The following LEPR variants were observed in gnomAD, a reference collection of about 807,000 sequenced individuals.
LEPR encodes OB receptor.
Under a neutral mutation model 114.7 loss-of-function variants are expected in LEPR, and 56 were observed. The ratio of observed to expected loss-of-function variants is 0.49; its 90% CI spans 0.39 to 0.61. The LOEUF is 0.61. LEPR is among the 20% of genes least tolerant of loss of function. The probability of loss-of-function intolerance (pLI) is 0.00; values close to 1 mark genes in which losing one functional copy is unlikely to be tolerated. For missense variants in LEPR, 1,202 were observed against 1,352.9 expected (o/e 0.89, Z 1.75); for synonymous variants, 443 against 461.4 (o/e 0.96, Z 0.51).
chr1:65,467,026 C>A (rs932264581), intron 2 of LEPR, among the ~76,000 whole-genome samples: 1 of 152,172 alleles, frequency 6.6e-6, no homozygotes, highest in Non-Finnish European at 1.5e-5. Flanking sequence ...CTGAAGCCTA[C>A]TTCTGTCAAC....
chr1:65,583,939 C>T (rs1315734356), intron 5 of LEPR, among the ~76,000 whole-genome samples: 1 of 151,992 alleles, frequency 6.6e-6, no homozygotes, highest in Non-Finnish European at 1.5e-5. Context: ...TTTAAAGATG[C>T]AAAATGCATT....
intron 2 of LEPR, among the ~76,000 whole-genome samples, chr1:65,445,849 T>G (rs566515637): frequency 1.3e-5 from 2 of 152,288 alleles, no homozygotes; most frequent in South Asian, 4.1e-4. Flanking sequence ...CAGGTGAAAC[T>G]CTCTTAACAT....
rs1654545049 is a variant in LEPR, at chr1:65,575,815, T to TA, written c.494+3370dup. 2.6e-5 allele frequency among the ~76,000 whole-genome samples: 4 copies of TA among 151,542 alleles called. No individual in the cohort carries two copies. The South Asian group carries it at 8.3e-4, about 31-fold the overall frequency. On this transcript the variant is annotated intron_variant, in intron 5 of 19. Coordinates refer to ENST00000349533, the MANE Select transcript of LEPR (RefSeq NM_002303.6). ...TTGTGTACAAATGAAACTCTAGAGT[T>TA]AAAATTATATTCTGATTTCCTTCTA... is the stretch of plus-strand genomic sequence containing the variant.
chr1:65,598,265 T>C (rs766069923), intron 7 of LEPR, among the ~76,000 whole-genome samples: 1 of 151,934 alleles, frequency 6.6e-6, no homozygotes, highest in Admixed American at 6.6e-5. Flanking sequence ...TTCATGCTCT[T>C]CTGTACAGGG....
At chr1:65,442,806 A>G (rs1041982656) in intron 2 of LEPR, among the ~76,000 whole-genome samples, 5 of 152,206 alleles carry the variant, frequency 3.3e-5, no homozygotes, top group Non-Finnish European at 7.3e-5. Context: ...CAGTGCCTGC[A>G]GAAGCTTAGA....
At chr1:65,627,159 A>G (rs1214947496) in intron 19 of LEPR, among the ~76,000 whole-genome samples, 1 of 152,178 alleles carries the variant, frequency 6.6e-6, no homozygotes, top group Non-Finnish European at 1.5e-5. Context: ...TGTGGTTCAA[A>G]TCCAGATCTA....
intron 5 of LEPR, 136 bp from the exon 6 acceptor site, chr1:65,592,521 G>GTTTTTT: frequency 1.4e-6 from 1 of 707,100 alleles, no homozygotes; most frequent in Middle Eastern, 4.2e-4. Context: ...CTAATGTAGG[G>GTTTTTT]TTTTTTTTTT....
chr1:65,465,492 G>A (rs992227802), intron 2 of LEPR, among the ~76,000 whole-genome samples: 1 of 152,180 alleles, frequency 6.6e-6, no homozygotes, highest in African/African-American at 2.4e-5. Context: ...TGGGAGGAAT[G>A]TATATTCTGT....
In LEPR at chr1:65,630,696, T is replaced by TTGTG. The variant is rs71058415; in HGVS notation, c.2674-5477_2674-5474dup. Among the ~76,000 whole-genome samples, 239 of 149,650 alleles carry TTGTG rather than the reference T, an allele frequency of 1.6e-3. 4 individuals carry two copies. The highest frequency in any genetic ancestry group is 2.3e-3 in the African/African-American group (96 of 40,920). ...ATCTCATATTTTCGGTTTCTTTGTTTTGTGTGTGTGTGTGTGTGTGTTATA... is the reference window on the plus strand; with the variant it reads ...ATCTCATATTTTCGGTTTCTTTGTTTTGTGTGTGTGTGTGTGTGTGTGTGTTATA... On this transcript the variant is annotated intron_variant, in intron 19 of 19. Transcript: ENST00000349533.
At chr1:65,428,643 G>A (rs979181019) in intron 2 of LEPR, among the ~76,000 whole-genome samples, 10 of 152,138 alleles carry the variant, frequency 6.6e-5, no homozygotes, top group Non-Finnish European at 8.8e-5. Flanking sequence ...ACTCCTGCTT[G>A]TAGGTGCTGT....
chr1:65,482,123 T>TACACACATACACAC (rs1553156957), intron 2 of LEPR, among the ~76,000 whole-genome samples: 2 of 149,526 alleles, frequency 1.3e-5, no homozygotes, highest in Admixed American at 1.3e-4. Context: ...ATTTTACACA[T>TACACACATACACAC]ACACACACAC....
chr1:65,592,892 A>C (rs762632295), intron 6 of LEPR, 27 bp downstream of exon 6: 2 of 1,610,294 alleles, frequency 1.2e-6, no homozygotes, highest in South Asian at 2.2e-5. Context: ...AATGATGATA[A>C]TAGGTCTAAA....
intron 2 of LEPR, among the ~76,000 whole-genome samples, chr1:65,510,035 A>G (rs1648951618): frequency 2.0e-5 from 3 of 152,186 alleles, no homozygotes; most frequent in African/African-American, 4.8e-5. Context: ...TTATCTGGTG[A>G]TGGAAACCAC....
At chr1:65,471,553 T>G (rs1647083383) in intron 2 of LEPR, among the ~76,000 whole-genome samples, 2 of 152,188 alleles carry the variant, frequency 1.3e-5, no homozygotes, top group Non-Finnish European at 2.9e-5. Flanking sequence ...ACATGAATGC[T>G]TTTGCCCATG....
intron 2 of LEPR, among the ~76,000 whole-genome samples, chr1:65,483,271 G>T (rs1402155108): frequency 6.6e-6 from 1 of 151,308 alleles, no homozygotes; most frequent in Non-Finnish European, 1.5e-5. Context: ...AAATCAATAA[G>T]AAAAAGACAA....
At chr1:65,585,187 A>G (rs1426174162) in intron 5 of LEPR, among the ~76,000 whole-genome samples, 1 of 152,068 alleles carries the variant, frequency 6.6e-6, no homozygotes, top group Non-Finnish European at 1.5e-5. Flanking sequence ...TAATGTTTTT[A>G]TAGATTACCA....
At chr1:65,599,693 G>A (rs1656313064) in intron 8 of LEPR, among the ~76,000 whole-genome samples, 1 of 151,846 alleles carries the variant, frequency 6.6e-6, no homozygotes, top group Non-Finnish European at 1.5e-5. Flanking sequence ...AAATAGGGAT[G>A]TTTTACATGG....
At chr1:65,462,160 C>T (rs891251512) in intron 2 of LEPR, among the ~76,000 whole-genome samples, 1 of 152,106 alleles carries the variant, frequency 6.6e-6, no homozygotes, top group Non-Finnish European at 1.5e-5. Flanking sequence ...CATCCCCCCA[C>T]CCGCCAACAG....
intron 2 of LEPR, among the ~76,000 whole-genome samples, chr1:65,426,420 T>G (rs1014358016): frequency 1.3e-5 from 2 of 151,974 alleles, no homozygotes; most frequent in East Asian, 3.9e-4. Context: ...TGGGAAAATA[T>G]CTTGAGAATG....
Sources: gnomAD v4.1 joint callset for allele counts (sites outside exome capture counted in the v4.1 genomes callset) on GRCh38, gnomAD v4.1.1 for gene constraint, MANE v1.5 for transcripts, NCBI Gene and HGNC (gene_info 2026-07-23, HGNC 2026-07-21) for gene names.